The following JAM3 variants were observed in gnomAD, a reference collection of about 807,000 sequenced individuals.
The protein encoded by JAM3 is junctional adhesion molecule C.
A neutral mutation model predicts 39.4 loss-of-function variants in JAM3; 31 were observed. The observed-to-expected ratio is 0.79, with a 90% CI of 0.59 to 1.06. The LOEUF (loss-of-function observed/expected upper bound fraction) is 1.06, where lower values mean the gene tolerates loss of function less well. Ranked by LOEUF, JAM3 falls within the 50% of genes least tolerant of loss-of-function variation. JAM3 has a pLI of 0.00. For synonymous variants in JAM3, 182 were observed against 148.7 expected, an observed-to-expected ratio of 1.22 and a Z score of -1.63; for missense variants, 455 against 391.4, an observed-to-expected ratio of 1.16 and a Z score of -1.37.
At chr11:134,115,445 G>C (rs1942409839) in intron 1 of JAM3, among the ~76,000 whole-genome samples, 1 of 151,846 alleles carries the variant, frequency 6.6e-6, no homozygotes, top group Non-Finnish European at 1.5e-5. Context: ...TTCTTTTTAT[G>C]CCTTCTTTTC....
intron 1 of JAM3, among the ~76,000 whole-genome samples, chr11:134,098,679 T>G (rs1224969548): frequency 2.0e-5 from 3 of 152,284 alleles, no homozygotes; most frequent in Middle Eastern, 6.8e-3. Flanking sequence ...ATTAGACAAA[T>G]AGCAGCATTG....
At chr11:134,145,572 A>G in intron 5 of JAM3, 1 of 345,382 alleles carries the variant, frequency 2.9e-6, no homozygotes, top group Non-Finnish European at 5.6e-6. Flanking sequence ...CCTGGGAGGT[A>G]CCTTCTGATC....
intron 1 of JAM3, among the ~76,000 whole-genome samples, chr11:134,130,288 T>A (rs1241292156): frequency 6.6e-6 from 1 of 152,200 alleles, no homozygotes; most frequent in Non-Finnish European, 1.5e-5. Context: ...CAGTCTATGT[T>A]TGGATTGGTG....
intron 1 of JAM3, among the ~76,000 whole-genome samples, chr11:134,100,798 G>T (rs1942060114): frequency 6.6e-6 from 1 of 152,208 alleles, no homozygotes; most frequent in African/African-American, 2.4e-5. Flanking sequence ...AGAAACACTT[G>T]ATAAGCAGTA....
chr11:134,114,435 T>C (rs1057247655), intron 1 of JAM3, among the ~76,000 whole-genome samples: 4 of 152,206 alleles, frequency 2.6e-5, no homozygotes, highest in African/African-American at 7.2e-5. Flanking sequence ...ATTTATTAAA[T>C]AGGGAATCCT....
chr11:134,080,414 G>A (rs944293223), intron 1 of JAM3, among the ~76,000 whole-genome samples: 25 of 152,192 alleles, frequency 1.6e-4, no homozygotes, highest in African/African-American at 5.5e-4. Context: ...CCCAAATCTT[G>A]TAGCTCCCAT....
chr11:134,081,172 C>A (rs1482242119), intron 1 of JAM3, among the ~76,000 whole-genome samples: 2 of 152,168 alleles, frequency 1.3e-5, no homozygotes, highest in Non-Finnish European at 2.9e-5. Context: ...AGAAGCAGAG[C>A]ATAAAAGTTC....
rs1213509247 is a variant in JAM3, at chr11:134,103,902, A to G, written c.76+34743A>G. Among the ~76,000 whole-genome samples, 4 of 152,294 alleles carry G rather than the reference A, an allele frequency of 2.6e-5. No homozygotes were observed. The South Asian group carries it at 8.3e-4, about 32-fold the overall frequency. On this transcript the variant is annotated intron_variant, in intron 1 of 8. Coordinates refer to ENST00000299106, the MANE Select transcript of JAM3 (RefSeq NM_032801.5). ...ACAAAGAGACTTAGACTCCCACACAATAATAATGGGAGACTTTAACACCCC... is the reference window on the plus strand; with the variant it reads ...ACAAAGAGACTTAGACTCCCACACAGTAATAATGGGAGACTTTAACACCCC...
intron 3 of JAM3, among the ~76,000 whole-genome samples, chr11:134,142,528 G>A (rs555617008): frequency 1.3e-5 from 2 of 152,258 alleles, no homozygotes; most frequent in South Asian, 4.1e-4. Context: ...CTACTCTTTT[G>A]TGTCATGTTT....
At chr11:134,094,747 C>T (rs911336291) in intron 1 of JAM3, among the ~76,000 whole-genome samples, 1 of 152,158 alleles carries the variant, frequency 6.6e-6, no homozygotes, top group South Asian at 2.1e-4. Context: ...GTATTTATTG[C>T]AATTGCAATT....
chr11:134,086,757 C>T (rs1423149485), intron 1 of JAM3, among the ~76,000 whole-genome samples: 1 of 152,080 alleles, frequency 6.6e-6, no homozygotes, highest in Non-Finnish European at 1.5e-5. Context: ...GCTGTTTCCA[C>T]CTAAGAGGTT....
At position 134,143,952 on chromosome 11, in the gene JAM3, T is replaced by C. The variant is rs561289589; in HGVS notation, c.257-289T>C. On this transcript the variant is annotated intron_variant, in intron 3 of 8. Coordinates refer to ENST00000299106, the MANE Select transcript of JAM3 (RefSeq NM_032801.5). ...TTTTTTTCTATTCATGGGCGGTCCTTCCTGGAAATGAGGAGGAGGAGGTGA... is the reference window on the plus strand; with the variant it reads ...TTTTTTTCTATTCATGGGCGGTCCTCCCTGGAAATGAGGAGGAGGAGGTGA... 2.6e-5 allele frequency among the ~76,000 whole-genome samples: 4 copies of C among 152,302 alleles called. No homozygotes were observed. The East Asian group carries it at 7.7e-4, about 29-fold the overall frequency.
At chr11:134,136,189 C>T (rs1226684915) in intron 1 of JAM3, among the ~76,000 whole-genome samples, 1 of 152,134 alleles carries the variant, frequency 6.6e-6, no homozygotes, top group African/African-American at 2.4e-5. Flanking sequence ...AGCAGTTTTC[C>T]TTTTTCCGCC....
intron 1 of JAM3, among the ~76,000 whole-genome samples, chr11:134,078,379 C>CA (rs1941607963): frequency 6.6e-6 from 1 of 152,138 alleles, no homozygotes. Context: ...CTTGATCTCC[C>CA]AAAATGCTGG....
At chr11:134,138,859 T>A (rs1942922015) in intron 1 of JAM3, among the ~76,000 whole-genome samples, 1 of 152,220 alleles carries the variant, frequency 6.6e-6, no homozygotes, top group Non-Finnish European at 1.5e-5. Flanking sequence ...AAGATCCATG[T>A]AGCTGGGCCA....
At chr11:134,091,928 C>T (rs1941866079) in intron 1 of JAM3, among the ~76,000 whole-genome samples, 1 of 150,468 alleles carries the variant, frequency 6.6e-6, no homozygotes, top group Non-Finnish European at 1.5e-5. Context: ...TATAATCTTA[C>T]TATCAGGGCA....
At chr11:134,106,881 G>A (rs920582447) in intron 1 of JAM3, among the ~76,000 whole-genome samples, 9 of 152,076 alleles carry the variant, frequency 5.9e-5, no homozygotes, top group African/African-American at 2.2e-4. Context: ...TACACTGTTG[G>A]TGGGACTGTA....
chr11:134,089,834 T>C (rs922426695), intron 1 of JAM3, among the ~76,000 whole-genome samples: 1 of 152,226 alleles, frequency 6.6e-6, no homozygotes, highest in Admixed American at 6.5e-5. Context: ...AGTAATGGGA[T>C]GGCTGGGTCA....
chr11:134,109,884 A>C (rs1942277400), intron 1 of JAM3, among the ~76,000 whole-genome samples: 1 of 152,214 alleles, frequency 6.6e-6, no homozygotes, highest in Non-Finnish European at 1.5e-5. Flanking sequence ...TCTGCTTAGA[A>C]ACAAATGGAA....
Sources: gnomAD v4.1 joint callset for allele counts (sites outside exome capture counted in the v4.1 genomes callset) on GRCh38, gnomAD v4.1.1 for gene constraint, MANE v1.5 for transcripts, NCBI Gene and HGNC (gene_info 2026-07-23, HGNC 2026-07-21) for gene names.